The following CENPW variants were observed in gnomAD, a reference collection of about 807,000 sequenced individuals.
CENPW encodes centromere protein W.
A neutral mutation model predicts 11.1 loss-of-function variants in CENPW; 3 were observed. The ratio of observed to expected loss-of-function variants is 0.27; its 90% CI spans 0.12 to 0.70. The LOEUF (loss-of-function observed/expected upper bound fraction) is 0.70, where lower values mean the gene tolerates loss of function less well. Ranked by LOEUF, CENPW falls within the 30% of genes least tolerant of loss-of-function variation. The pLI is 0.77. For missense variants in CENPW, 100 were observed against 105.6 expected (o/e 0.95, Z 0.23); for synonymous variants, 38 against 42.0 (o/e 0.91, Z 0.37).
the CENPW span, among the ~76,000 whole-genome samples, chr6:126,452,017 GCA>G: frequency 2.0e-5 from 3 of 151,220 alleles, no homozygotes; most frequent in Admixed American, 1.3e-4. Flanking sequence ...ACTGGTTGGT[GCA>G]CATGTGGAAC....
chr6:126,432,903 T>A, the CENPW span, among the ~76,000 whole-genome samples: 1 of 152,156 alleles, frequency 6.6e-6, no homozygotes, highest in Non-Finnish European at 1.5e-5. Context: ...CTACCCTAGA[T>A]AAGGAAGTAT....
the CENPW span, among the ~76,000 whole-genome samples, chr6:126,394,974 T>A: frequency 1.3e-5 from 2 of 152,008 alleles, no homozygotes; most frequent in Admixed American, 6.6e-5. Flanking sequence ...CTCTTGCTGC[T>A]TTTATCCTTT....
the CENPW span, among the ~76,000 whole-genome samples, chr6:126,442,996 T>A: frequency 6.6e-6 from 1 of 151,302 alleles, no homozygotes; most frequent in Non-Finnish European, 1.5e-5. Flanking sequence ...ATAGTGCTAA[T>A]GTAATTTTAT....
At chr6:126,463,810 T>C in the CENPW span, among the ~76,000 whole-genome samples, 9 of 152,056 alleles carry the variant, frequency 5.9e-5, no homozygotes, top group Non-Finnish European at 1.3e-4. Context: ...TTAAAAACTT[T>C]CCATAAAAAC....
the CENPW span, among the ~76,000 whole-genome samples, chr6:126,438,774 G>A: frequency 6.6e-6 from 1 of 151,536 alleles, no homozygotes; most frequent in African/African-American, 2.4e-5. Context: ...TTTATATCAT[G>A]ACAAAATGAG....
chr6:126,361,368 C>T, the CENPW span, among the ~76,000 whole-genome samples: 17 of 152,182 alleles, frequency 1.1e-4, no homozygotes, highest in African/African-American at 4.1e-4. Flanking sequence ...GGCGCAGTCC[C>T]GGCTCACTGC....
the CENPW span, among the ~76,000 whole-genome samples, chr6:126,418,006 C>G: frequency 2.6e-5 from 4 of 152,170 alleles, no homozygotes; most frequent in Non-Finnish European, 4.4e-5. Context: ...AAATGTTCAA[C>G]ATTGTTAGCT....
chr6:126,412,490 A>G, the CENPW span, among the ~76,000 whole-genome samples: 1 of 151,660 alleles, frequency 6.6e-6, no homozygotes, highest in Admixed American at 6.6e-5. Flanking sequence ...TTTTCTATTT[A>G]TTTTTCCACA....
At chr6:126,402,343 C>A in the CENPW span, among the ~76,000 whole-genome samples, 1 of 151,562 alleles carries the variant, frequency 6.6e-6, no homozygotes, top group Admixed American at 6.6e-5. Flanking sequence ...CTCCATCTTT[C>A]TTCTCCTGCC....
chr6:126,380,831 A>G, the CENPW span, among the ~76,000 whole-genome samples: 70 of 152,344 alleles, frequency 4.6e-4, 1 homozygote, highest in Middle Eastern at 3.4e-3. Flanking sequence ...TTCCTGAAAT[A>G]ATAACAATGA....
the CENPW span, among the ~76,000 whole-genome samples, chr6:126,378,547 C>T: frequency 1.3e-5 from 2 of 151,862 alleles, no homozygotes; most frequent in Non-Finnish European, 2.9e-5. Flanking sequence ...ACTCTATCCC[C>T]AAATAATGTA....
At chr6:126,358,325 T>A in the CENPW span, among the ~76,000 whole-genome samples, 40 of 152,192 alleles carry the variant, frequency 2.6e-4, no homozygotes, top group African/African-American at 7.5e-4. Context: ...CTATTCAGTA[T>A]GATGTTGGCT....
At chr6:126,370,872 C>T in the CENPW span, among the ~76,000 whole-genome samples, 1 of 151,882 alleles carries the variant, frequency 6.6e-6, no homozygotes, top group Non-Finnish European at 1.5e-5. Context: ...CCTGCCTCAG[C>T]CTCTTGAGTA....
the CENPW span, among the ~76,000 whole-genome samples, chr6:126,450,517 A>AT: frequency 6.6e-6 from 1 of 150,850 alleles, no homozygotes; most frequent in Non-Finnish European, 1.5e-5. Context: ...TCATAGTTCC[A>AT]TTTTTTCTTC....
chr6:126,409,889 G>C, the CENPW span, among the ~76,000 whole-genome samples: 9 of 151,698 alleles, frequency 5.9e-5, no homozygotes, highest in South Asian at 1.9e-3. Context: ...TTTAAGTGGG[G>C]GATTTAATCC....
chr6:126,438,242 CTTA>C, the CENPW span, among the ~76,000 whole-genome samples: 1 of 151,602 alleles, frequency 6.6e-6, no homozygotes, highest in African/African-American at 2.4e-5. Flanking sequence ...AAGGGCTTCT[CTTA>C]TTATATAAAC....
the CENPW span, among the ~76,000 whole-genome samples, chr6:126,401,093 T>C: frequency 6.6e-6 from 1 of 152,156 alleles, no homozygotes; most frequent in African/African-American, 2.4e-5. Context: ...ACTTTTTTTG[T>C]CCCCCAATTT....
At chr6:126,410,534 A>G in the CENPW span, among the ~76,000 whole-genome samples, 1 of 152,010 alleles carries the variant, frequency 6.6e-6, no homozygotes, top group African/African-American at 2.4e-5. Flanking sequence ...ATGGATGTCC[A>G]AATTTCTCTT....
chr6:126,357,441 T>C, the CENPW span, among the ~76,000 whole-genome samples: 4 of 152,236 alleles, frequency 2.6e-5, 1 homozygote, highest in South Asian at 6.2e-4. Context: ...GAATTTTTTT[T>C]CTAATTCTGT....
Sources: gnomAD v4.1 joint callset for allele counts (sites outside exome capture counted in the v4.1 genomes callset) on GRCh38, gnomAD v4.1.1 for gene constraint, MANE v1.5 for transcripts, NCBI Gene and HGNC (gene_info 2026-07-23, HGNC 2026-07-21) for gene names.